TMC5: variants seen among roughly 807,000 people sequenced by gnomAD.
TMC5 encodes the protein transmembrane channel-like protein 5.
Under a neutral mutation model 110.5 loss-of-function variants are expected in TMC5, and 86 were observed. The ratio of observed to expected loss-of-function variants is 0.78; its 90% CI spans 0.65 to 0.93. The LOEUF is 0.93. Among genes scored for constraint, TMC5 ranks in the 40% least tolerant of loss-of-function variants. TMC5 has a pLI of 0.00. For synonymous variants in TMC5, 455 were observed against 439.5 expected, an observed-to-expected ratio of 1.04 and a Z score of -0.44; for missense variants, 1,144 against 1,222.8, an observed-to-expected ratio of 0.94 and a Z score of 0.96.
chr16:19,472,324 C>G lies in TMC5; in HGVS notation c.1938+81C>G, dbSNP rs1008895015. On this transcript the variant is annotated intron_variant, in intron 11 of 21. Coordinates refer to ENST00000542583, the MANE Select transcript of TMC5 (RefSeq NM_001261841.2). ...GAGGGGAAGGGTGGTGTGCAGCCTA[C>G]GGTTCAACCCAGGATCTATGGCCAG... 4.0e-6 allele frequency: 6 copies of G among 1,506,424 alleles called. No homozygotes were observed. In the African/African-American group the frequency reaches 6.9e-5, roughly 17 times the overall value. 93.3% of individuals were successfully genotyped at this position (1,506,424 alleles called of 1,614,324 possible).
At chr16:19,480,719 C>G (rs1007754584) in intron 14 of TMC5, among the ~76,000 whole-genome samples, 3 of 149,390 alleles carry the variant, frequency 2.0e-5, no homozygotes, top group African/African-American at 7.5e-5. Context: ...GCAGGAGAAT[C>G]GCTTGAACCC....
At chr16:19,460,102 T>C (rs1263326413) in intron 5 of TMC5, 133 bp from the exon 6 acceptor site, 1 of 558,340 alleles carries the variant, frequency 1.8e-6, no homozygotes, top group Non-Finnish European at 3.1e-6. Context: ...GTTGTTTTCC[T>C]TTGTGATCTT....
intron 2 of TMC5, among the ~76,000 whole-genome samples, chr16:19,432,956 A>G (rs1309622416): frequency 6.7e-6 from 1 of 150,052 alleles, no homozygotes; most frequent in African/African-American, 2.5e-5. Context: ...GTAGATATGA[A>G]TAAATATATA....
intron 3 of TMC5, 151 bp downstream of exon 3, chr16:19,440,977 A>G: frequency 4.0e-6 from 3 of 754,888 alleles, no homozygotes; most frequent in Admixed American, 2.9e-5. Flanking sequence ...ACCTATCTGT[A>G]GACCTTACCT....
At chr16:19,416,116 C>CTTGAGCCAACAA, upstream of TMC5, among the ~76,000 whole-genome samples, 1 of 151,308 alleles carries the variant, frequency 6.6e-6, no homozygotes, top group Admixed American at 6.6e-5. Flanking sequence ...GCCCAACAGT[C>CTTGAGCCAACAA]AGAGGCTGCA....
At chr16:19,449,144 C>A (rs1264270456) in intron 4 of TMC5, among the ~76,000 whole-genome samples, 5 of 152,092 alleles carry the variant, frequency 3.3e-5, no homozygotes, top group Admixed American at 6.5e-5. Context: ...AGCCACTGTG[C>A]CCGGCCACAT....
chr16:19,413,520 C>A (rs1338256989), upstream of TMC5, among the ~76,000 whole-genome samples: 1 of 92,944 alleles, frequency 1.1e-5, no homozygotes, highest in Non-Finnish European at 2.0e-5. Flanking sequence ...CCAAACCCTG[C>A]CTCAAAAAAA....
intron 13 of TMC5, 141 bp from the exon 14 acceptor site, chr16:19,479,290 G>T (rs1567321881): frequency 1.4e-6 from 1 of 726,244 alleles, no homozygotes; most frequent in Non-Finnish European, 2.5e-6. Flanking sequence ...TTCAGAGTGG[G>T]TCTACTTTTT....
At chr16:19,452,632 A>G (rs571854744) in intron 5 of TMC5, among the ~76,000 whole-genome samples, 2 of 152,238 alleles carry the variant, frequency 1.3e-5, no homozygotes, top group East Asian at 3.9e-4. Flanking sequence ...CAGGGGAATC[A>G]CTTGAACTCA....
At chr16:19,430,779 C>A (rs889400603) in intron 2 of TMC5, 139 bp downstream of exon 2, 1 of 151,834 alleles carries the variant, frequency 6.6e-6, no homozygotes, top group African/African-American at 2.4e-5. Flanking sequence ...GCTGCCATTG[C>A]CTTTAATATC....
At chr16:19,412,542 A>G (rs1966858324) in intron 1 of TMC5, among the ~76,000 whole-genome samples, 1 of 151,786 alleles carries the variant, frequency 6.6e-6, no homozygotes, top group Admixed American at 6.6e-5. Context: ...ATTTTTTTGT[A>G]TTTTTAGTAG....
chr16:19,486,834 C>T lies in TMC5; in HGVS notation c.2364-111C>T, dbSNP rs565016051. ...GGCCTCAATATATGGATTTTGGGGA[C>T]ACACAATCCAGGCCACAATATCTTC... is the stretch of plus-strand genomic sequence containing the variant. On this transcript the variant is annotated intron_variant, in intron 15 of 21. Transcript: ENST00000542583. The T allele has an allele frequency of 1.3e-5, 12 of 912,200 alleles. No homozygotes were observed. The African/African-American group carries it at 2.0e-4, about 15-fold the overall frequency. The allele number at this position is 912,200 out of a possible 1,614,324, so 56.5% of individuals were successfully genotyped here. A position where few individuals can be genotyped will look rare whatever the true frequency, so the allele number is the denominator to read the frequency against.
At chr16:19,481,498 G>A (rs1597211088) in intron 15 of TMC5, 33 bp downstream of exon 15, 2 of 1,464,132 alleles carry the variant, frequency 1.4e-6, no homozygotes, top group East Asian at 2.3e-5. Context: ...ATGCCCAGTG[G>A]TTCCCACATG....
chr16:19,458,153 C>A (rs1282480541), intron 5 of TMC5, among the ~76,000 whole-genome samples: 1 of 152,078 alleles, frequency 6.6e-6, no homozygotes, highest in Non-Finnish European at 1.5e-5. Flanking sequence ...TAGCTGAGAC[C>A]TTCCAGCCTC....
intron 1 of TMC5, among the ~76,000 whole-genome samples, chr16:19,425,957 G>T (rs9922645): frequency 0.04 from 6,137 of 152,300 alleles, 162 homozygotes; most frequent in African/African-American, 0.071. Flanking sequence ...AAATTGCTGG[G>T]ATTACAGGCG....
At chr16:19,489,233 G>T (rs1293143292) in intron 17 of TMC5, among the ~76,000 whole-genome samples, 1 of 152,190 alleles carries the variant, frequency 6.6e-6, no homozygotes, top group African/African-American at 2.4e-5. Context: ...ATGCAGGGGC[G>T]CAATCACAGC....
At chr16:19,466,342 C>T (rs964681875) in intron 9 of TMC5, 109 bp downstream of exon 9, 5 of 1,089,156 alleles carry the variant, frequency 4.6e-6, no homozygotes, top group African/African-American at 1.6e-5. Context: ...GTCCTCTCCT[C>T]TCCTCTCCTC....
chr16:19,449,950 T>C (rs954212897), intron 5 of TMC5, among the ~76,000 whole-genome samples: 1 of 152,174 alleles, frequency 6.6e-6, no homozygotes. Flanking sequence ...CTTTTGTCTA[T>C]AAATTATGCA....
intron 18 of TMC5, among the ~76,000 whole-genome samples, chr16:19,491,305 C>G (rs1810849128): frequency 6.6e-6 from 1 of 151,966 alleles, no homozygotes; most frequent in South Asian, 2.1e-4. Flanking sequence ...CCACCTTGCC[C>G]AAGCTTGCAT....
Sources: allele counts gnomAD v4.1 joint callset (sites outside exome capture counted in the v4.1 genomes callset), GRCh38; gene constraint gnomAD v4.1.1; transcripts MANE v1.5; gene names NCBI Gene and HGNC (gene_info 2026-07-23, HGNC 2026-07-21).